Variants in KIAA1549L observed in about 807,000 individuals in gnomAD.
KIAA1549L encodes UPF0606 protein KIAA1549L.
In KIAA1549L, 88 loss-of-function variants were observed where a neutral mutation model predicts 160.7. The ratio of observed to expected loss-of-function variants is 0.55; its 90% CI spans 0.46 to 0.65. KIAA1549L has a LOEUF of 0.65. Ranked by LOEUF, KIAA1549L falls within the 30% of genes least tolerant of loss-of-function variation. The probability of loss-of-function intolerance (pLI) is 0.00; values close to 1 mark genes in which losing one functional copy is unlikely to be tolerated. For synonymous variants in KIAA1549L, 950 were observed against 976.7 expected (o/e 0.97, Z 0.51); for missense variants, 2,258 against 2,437.5 (o/e 0.93, Z 1.55).
intron 1 of KIAA1549L, among the ~76,000 whole-genome samples, chr11:33,379,151 A>G (rs995188559): frequency 9.9e-5 from 15 of 152,134 alleles, no homozygotes; most frequent in Non-Finnish European, 1.9e-4. Context: ...CTTGTTGTTT[A>G]AGGAAGGCTA....
chr11:33,620,081 G>A (rs1850917980), intron 16 of KIAA1549L, among the ~76,000 whole-genome samples: 1 of 152,206 alleles, frequency 6.6e-6, no homozygotes, highest in South Asian at 2.1e-4. Context: ...GAGGAAATGG[G>A]TCAGAGGTTT....
intron 1 of KIAA1549L, among the ~76,000 whole-genome samples, chr11:33,497,272 AG>A (rs1852842740): frequency 6.6e-6 from 1 of 152,226 alleles, no homozygotes; most frequent in Non-Finnish European, 1.5e-5. Flanking sequence ...TCCAGCACAA[AG>A]GGGATAATAA....
chr11:33,388,975 C>T (rs1397127049), intron 1 of KIAA1549L, among the ~76,000 whole-genome samples: 1 of 152,230 alleles, frequency 6.6e-6, no homozygotes, highest in African/African-American at 2.4e-5. Context: ...CTCCTGTTCA[C>T]TCAGACGTGG....
chr11:33,586,157 G>A (rs1316796158), intron 11 of KIAA1549L, among the ~76,000 whole-genome samples: 1 of 152,208 alleles, frequency 6.6e-6, no homozygotes, highest in Admixed American at 6.5e-5. Flanking sequence ...GAACAAAAAA[G>A]TTAGCCTTCA....
Position 33,542,869 on chromosome 11 carries a change from C to A in KIAA1549L, c.1306C>A (p.Leu436Ile). 1 of 1,613,948 alleles carries A rather than the reference C, an allele frequency of 6.2e-7. No homozygotes were observed. The highest frequency in any genetic ancestry group is 8.5e-7 in the Non-Finnish European group (1 of 1,179,860). Residue 436 changes from leucine (L) to isoleucine (I), a missense_variant, in exon 2 of 21, where the codon CTA (leucine) becomes ATA (isoleucine). Leu to Ile is a conservative substitution (Grantham distance 5, BLOSUM62 2). Around this residue, in one of 6 missense-constraint regions of KIAA1549L, gnomAD observed 540 missense variants for 465.7 expected, o/e 1.16. Coordinates refer to ENST00000658780, the MANE Select transcript of KIAA1549L (RefSeq NM_012194.3). ...SGAIEMTSRK[L>I]ASATANDSAN... Reference sequence around the variant, plus strand: ...GGCCATAGAAATGACCAGCAGAAAGCTAGCCTCTGCCACTGCAAATGACTC... The same window carrying A: ...GGCCATAGAAATGACCAGCAGAAAGATAGCCTCTGCCACTGCAAATGACTC...
chr11:33,634,065 C>T (rs990694390), intron 16 of KIAA1549L, among the ~76,000 whole-genome samples: 4 of 152,088 alleles, frequency 2.6e-5, no homozygotes, highest in African/African-American at 9.7e-5. Flanking sequence ...TGTTTTGAGA[C>T]AGAGTCTCAT....
chr11:33,598,626 C>T (rs956491539), intron 12 of KIAA1549L, among the ~76,000 whole-genome samples, 194 bp from the exon 13 acceptor site: 1 of 152,204 alleles, frequency 6.6e-6, no homozygotes, highest in South Asian at 2.1e-4. Context: ...AAACGGACTT[C>T]CGAGCAGCCA....
At chr11:33,430,817 C>T (rs889074518) in intron 1 of KIAA1549L, among the ~76,000 whole-genome samples, 8 of 152,172 alleles carry the variant, frequency 5.3e-5, no homozygotes, top group South Asian at 4.1e-4. Context: ...CATATAGCAC[C>T]GTGCTGTTCA....
intron 1 of KIAA1549L, among the ~76,000 whole-genome samples, chr11:33,455,800 G>A (rs998123424): frequency 7.9e-5 from 12 of 152,162 alleles, no homozygotes; most frequent in South Asian, 2.1e-4. Context: ...GTACTTATCT[G>A]TATTTTTTTT....
intron 1 of KIAA1549L, among the ~76,000 whole-genome samples, chr11:33,474,092 C>T (rs1845758786): frequency 6.6e-6 from 1 of 152,132 alleles, no homozygotes; most frequent in African/African-American, 2.4e-5. Context: ...CAGCTGTCTC[C>T]TGCACTCAGA....
intron 1 of KIAA1549L, among the ~76,000 whole-genome samples, chr11:33,407,627 G>A (rs1843984512): frequency 6.6e-6 from 1 of 152,246 alleles, no homozygotes; most frequent in South Asian, 2.1e-4. Context: ...GGGATTATAG[G>A]CCTGAGCCAC....
At chr11:33,561,286 G>GA (rs1381545681) in intron 7 of KIAA1549L, among the ~76,000 whole-genome samples, 1 of 152,130 alleles carries the variant, frequency 6.6e-6, no homozygotes, top group Non-Finnish European at 1.5e-5. Context: ...AGATTTTGAT[G>GA]AAAAAACGGA....
chr11:33,668,562 G>A lies in KIAA1549L; in HGVS notation c.*408G>A, dbSNP rs995218737. 1 of 226,600 alleles carries A rather than the reference G, an allele frequency of 4.4e-6. No individual in the cohort carries two copies. The highest frequency in any genetic ancestry group is 8.9e-6 in the Non-Finnish European group (1 of 112,890). The allele number at this position is 226,600 out of a possible 1,614,324, so 14.0% of individuals were successfully genotyped here. ...CTCTGCATGTTAACTCTGTTTCTGTGTTAAAGGCAATGCAGGAGTGTGGAT... is the reference window on the plus strand; with the variant it reads ...CTCTGCATGTTAACTCTGTTTCTGTATTAAAGGCAATGCAGGAGTGTGGAT... On this transcript the variant is annotated 3_prime_UTR_variant, in exon 21 of 21. Transcript: ENST00000658780.
intron 20 of KIAA1549L, 150 bp downstream of exon 20, chr11:33,661,164 G>A (rs375427167): frequency 4.3e-5 from 35 of 814,356 alleles, no homozygotes; most frequent in South Asian, 2.1e-4. Flanking sequence ...AAAGGAGACA[G>A]ATGGTGTGGT....
chr11:33,645,602 C>G, intron 16 of KIAA1549L, 84 bp from the exon 17 acceptor site: 1 of 1,003,104 alleles, frequency 1.0e-6, no homozygotes, highest in Non-Finnish European at 1.5e-6. Context: ...AGCACCTGTC[C>G]AAGTGAATGT....
intron 1 of KIAA1549L, among the ~76,000 whole-genome samples, chr11:33,455,059 A>G (rs1851794942): frequency 6.6e-6 from 1 of 152,234 alleles, no homozygotes. Context: ...ACTGCACTCC[A>G]GCCTGGGCGA....
intron 1 of KIAA1549L, among the ~76,000 whole-genome samples, chr11:33,397,022 A>G (rs1850389166): frequency 6.6e-6 from 1 of 151,788 alleles, no homozygotes; most frequent in Admixed American, 6.6e-5. Flanking sequence ...AAATTTTATC[A>G]TAATTTGTTT....
rs970236905 is a variant in KIAA1549L, at chr11:33,672,752, C to G, written c.*4598C>G. On this transcript the variant is annotated 3_prime_UTR_variant, in exon 21 of 21. Transcript: ENST00000658780. ...GCCCCAGCCACTTCTCACCCCACCA[C>G]CAGTTATTGATACAGCCGCTGGGTC... 3 of 153,852 alleles carry G rather than the reference C, an allele frequency of 1.9e-5. No homozygotes were observed. The highest frequency in any genetic ancestry group is 2.9e-5 in the Non-Finnish European group (2 of 68,090). 9.5% of individuals were successfully genotyped at this position (153,852 alleles called of 1,614,324 possible).
rs942498173 is a variant in KIAA1549L at position 33,670,310 on chromosome 11, G to A, written c.*2156G>A. The A allele has an allele frequency of 6.6e-6, 1 of 152,208 alleles. No homozygotes were observed. The highest frequency in any genetic ancestry group is 2.4e-5 in the African/African-American group (1 of 41,444). 9.4% of individuals were successfully genotyped at this position (152,208 alleles called of 1,614,324 possible). On this transcript the variant is annotated 3_prime_UTR_variant, in exon 21 of 21. Coordinates refer to ENST00000658780, the MANE Select transcript of KIAA1549L (RefSeq NM_012194.3). ...TGAAGTATACGTAAATGTTTCAGAA[G>A]ACAGTGTCTGAAATTTGGCTGTTTC...
Sources: gnomAD v4.1 joint callset for allele counts (sites outside exome capture counted in the v4.1 genomes callset) on GRCh38, gnomAD v4.1.1 for gene constraint, gnomAD v4.1.1 regional missense constraint, MANE v1.5 for transcripts, NCBI Gene and HGNC (gene_info 2026-07-23, HGNC 2026-07-21) for gene names.